The following IFT20 variants were observed in gnomAD, a reference collection of about 807,000 sequenced individuals.
The protein encoded by IFT20 is intraflagellar transport 20.
A neutral mutation model predicts 16.9 loss-of-function variants in IFT20; 4 were observed. That is an observed-to-expected ratio of 0.24 (90% confidence interval 0.12 to 0.54). The LOEUF is 0.54. Among genes scored for constraint, IFT20 ranks in the 20% least tolerant of loss-of-function variants. The pLI is 0.95. For synonymous variants in IFT20, 48 were observed against 49.9 expected (o/e 0.96, Z 0.16); for missense variants, 154 against 149.7 (o/e 1.03, Z -0.15).
intron 2 of IFT20, 32 bp downstream of exon 2, chr17:28,331,827 G>C: frequency 3.7e-6 from 6 of 1,613,684 alleles, no homozygotes; most frequent in Non-Finnish European, 5.1e-6. Flanking sequence ...GCAGCTCAAA[G>C]CTGAGTGGCA....
intron 3 of IFT20, chr17:28,330,226 ACT>A (rs1180156350): frequency 1.6e-4 from 91 of 579,994 alleles, no homozygotes; most frequent in East Asian, 8.0e-4. Flanking sequence ...ACACAGCAAG[ACT>A]CTGTCTCAAA....
chr17:28,332,383 C>G (rs1199177563), intron 1 of IFT20: 1 of 574,028 alleles, frequency 1.7e-6, no homozygotes, highest in Non-Finnish European at 3.0e-6. Flanking sequence ...CATAGTTCAG[C>G]TGGAAGAAGA....
At chr17:28,329,567 T>A (rs1288391519) in intron 3 of IFT20, 2 of 316,042 alleles carry the variant, frequency 6.3e-6, no homozygotes, top group Non-Finnish European at 1.2e-5. Context: ...CCAATCATAC[T>A]ATGTAAGCCT....
chr17:28,328,556 T>G lies in IFT20; in HGVS notation c.*96A>C, dbSNP rs1031088053. On this transcript the variant is annotated 3_prime_UTR_variant, in exon 5 of 5. Transcript: ENST00000395418. ...TACACGCCACCTCTTGTGACATAGGTCATTGGTCAAGCCGCTGGAATGCTA... is the reference window on the plus strand; with the variant it reads ...TACACGCCACCTCTTGTGACATAGGGCATTGGTCAAGCCGCTGGAATGCTA... 1.2e-5 allele frequency: 9 copies of G among 756,592 alleles called. No individual in the cohort carries two copies. In the African/African-American group the frequency reaches 1.4e-4, roughly 12 times the overall value. 46.9% of individuals were successfully genotyped at this position (756,592 alleles called of 1,614,324 possible). A position where few individuals can be genotyped will look rare whatever the true frequency, so the allele number is the denominator to read the frequency against.
In IFT20 at chr17:28,328,540, C is replaced by G. The variant is rs1253223643; in HGVS notation, c.*112G>C. On this transcript the variant is annotated 3_prime_UTR_variant, in exon 5 of 5. Transcript: ENST00000395418. ...AGGGGGCTGCATTCCTTACACGCCACCTCTTGTGACATAGGTCATTGGTCA... is the reference window on the plus strand; with the variant it reads ...AGGGGGCTGCATTCCTTACACGCCAGCTCTTGTGACATAGGTCATTGGTCA... The G allele has an allele frequency of 1.4e-6, 1 of 716,436 alleles. No individual in the cohort carries two copies. Among genetic ancestry groups the G allele is most frequent in the Non-Finnish European group, 2.4e-6 (1 of 411,428 alleles). The allele number at this position is 716,436 out of a possible 1,614,324, so 44.4% of individuals were successfully genotyped here.
intron 3 of IFT20, 109 bp downstream of exon 3, chr17:28,330,334 A>G: frequency 1.3e-6 from 1 of 760,320 alleles, no homozygotes; most frequent in Non-Finnish European, 2.3e-6. Context: ...ATAAAAATTC[A>G]CCCACCCAGC....
intron 1 of IFT20, chr17:28,332,231 G>A (rs1050895531): frequency 1.2e-5 from 19 of 1,535,000 alleles, no homozygotes; most frequent in Middle Eastern, 3.4e-4. Flanking sequence ...TAGGAGCAAG[G>A]GTCAGGAAAG....
intron 1 of IFT20, among the ~76,000 whole-genome samples, chr17:28,334,034 A>G (rs1555576980): frequency 6.6e-6 from 1 of 152,224 alleles, no homozygotes; most frequent in African/African-American, 2.4e-5. Flanking sequence ...ATCTGCTTCA[A>G]CTTCCACCCC....
chr17:28,330,649 C>T (rs1371449054), intron 2 of IFT20, 121 bp from the exon 3 acceptor site: 7 of 696,014 alleles, frequency 1.0e-5, no homozygotes, highest in South Asian at 3.3e-5. Context: ...TAAAATAGTT[C>T]GGTGTGGGCC....
chr17:28,332,962 G>A (rs1906885410), intron 1 of IFT20, among the ~76,000 whole-genome samples: 1 of 152,006 alleles, frequency 6.6e-6, no homozygotes. Flanking sequence ...AGGCAACAGA[G>A]AACTAACAGA....
chr17:28,331,971 G>C lies in IFT20; in HGVS notation c.15C>G (p.Ile5Met), dbSNP rs782791436. The C allele has an allele frequency of 6.2e-7, 1 of 1,614,188 alleles. No homozygotes were observed. The highest frequency in any genetic ancestry group is 1.3e-5 in the African/African-American group (1 of 75,042). Reference sequence around the variant, plus strand: ...CAAAGTGTAGCCCTGCTTCACCCAGGATGTCCTTGGCCATGGCTGTAAAGA... The same window carrying C: ...CAAAGTGTAGCCCTGCTTCACCCAGCATGTCCTTGGCCATGGCTGTAAAGA... MAKD[I>M]LGEAGLHFDE... Residue 5 changes from isoleucine (I) to methionine (M), a missense_variant, in exon 2 of 5, where the codon ATC becomes ATG. Physicochemically the swap from Ile to Met is conservative, Grantham distance 10. Coordinates refer to ENST00000395418, the MANE Select transcript of IFT20 (RefSeq NM_001267776.2).
At chr17:28,331,798 C>T in intron 2 of IFT20, 61 bp downstream of exon 2, 1 of 1,607,318 alleles carries the variant, frequency 6.2e-7, no homozygotes, top group Non-Finnish European at 8.5e-7. Context: ...CAAGATGAGC[C>T]TGGGGTACAG....
chr17:28,328,550 C>T lies in IFT20; in HGVS notation c.*102G>A, dbSNP rs1289425576. On this transcript the variant is annotated 3_prime_UTR_variant, in exon 5 of 5. Transcript: ENST00000395418. ...ATTCCTTACACGCCACCTCTTGTGA[C>T]ATAGGTCATTGGTCAAGCCGCTGGA... 7 of 737,312 alleles carry T rather than the reference C, an allele frequency of 9.5e-6. No homozygotes were observed. The highest frequency in any genetic ancestry group is 5.4e-5 in the Admixed American group (2 of 37,056). 45.7% of individuals were successfully genotyped at this position (737,312 alleles called of 1,614,324 possible). A position where few individuals can be genotyped will look rare whatever the true frequency, so the allele number is the denominator to read the frequency against.
intron 4 of IFT20, 155 bp downstream of exon 4, chr17:28,329,018 A>T: frequency 1.6e-6 from 1 of 635,610 alleles, no homozygotes; most frequent in South Asian, 2.0e-5. Context: ...CATCAAATGT[A>T]ATTTTATTTT....
At chr17:28,331,597 T>C in intron 2 of IFT20, 1 of 448,892 alleles carries the variant, frequency 2.2e-6, no homozygotes, top group Non-Finnish European at 4.0e-6. Context: ...GTTTAAGGTT[T>C]CTAAGAGCAA....
chr17:28,334,792 G>C (rs905735906), intron 1 of IFT20, among the ~76,000 whole-genome samples: 1 of 152,260 alleles, frequency 6.6e-6, no homozygotes, highest in Non-Finnish European at 1.5e-5. Flanking sequence ...AAGTCGAGGT[G>C]ATGGGGCTTA....
intron 1 of IFT20, among the ~76,000 whole-genome samples, chr17:28,334,822 T>C (rs1403294664): frequency 6.6e-6 from 1 of 152,142 alleles, no homozygotes; most frequent in African/African-American, 2.4e-5. Context: ...TGACTGAATG[T>C]GGGGGTTTGG....
intron 1 of IFT20, among the ~76,000 whole-genome samples, chr17:28,334,976 T>A (rs1907044863): frequency 6.6e-6 from 1 of 151,752 alleles, no homozygotes; most frequent in Non-Finnish European, 1.5e-5. Context: ...CCAACTCCCA[T>A]CACACGCGTG....
chr17:28,330,631 A>G, intron 2 of IFT20, 103 bp from the exon 3 acceptor site: 3 of 786,000 alleles, frequency 3.8e-6, no homozygotes, highest in Non-Finnish European at 6.5e-6. Flanking sequence ...GCCCCTTCTA[A>G]TTTGTGTTAA....
Sources: gnomAD v4.1 joint callset for allele counts (sites outside exome capture counted in the v4.1 genomes callset) on GRCh38, gnomAD v4.1.1 for gene constraint, MANE v1.5 for transcripts, NCBI Gene and HGNC (gene_info 2026-07-23, HGNC 2026-07-21) for gene names.